The following MARK2 variants were observed in gnomAD, a reference collection of about 807,000 sequenced individuals.
MARK2 encodes microtubule affinity regulating kinase 2.
A neutral mutation model predicts 89.8 loss-of-function variants in MARK2; 16 were observed. That is an observed-to-expected ratio of 0.18 (90% CI 0.12 to 0.27). The LOEUF is 0.27. MARK2 is among the 10% of genes least tolerant of loss of function. The probability of loss-of-function intolerance (pLI) is 1.00; values close to 1 mark genes in which losing one functional copy is unlikely to be tolerated. For missense variants in MARK2, 621 were observed against 1,049.9 expected, an observed-to-expected ratio of 0.59 and a Z score of 5.65; for synonymous variants, 382 against 399.5, an observed-to-expected ratio of 0.96 and a Z score of 0.52.
chr11:63,872,313 C>A (rs1048689836), intron 1 of MARK2, among the ~76,000 whole-genome samples: 6 of 152,196 alleles, frequency 3.9e-5, no homozygotes, highest in African/African-American at 1.4e-4. Flanking sequence ...CAATGAGAGT[C>A]CCTCTTCCCT....
intron 1 of MARK2, among the ~76,000 whole-genome samples, chr11:63,886,675 C>T (rs966208310): frequency 5.3e-5 from 8 of 152,166 alleles, no homozygotes; most frequent in Non-Finnish European, 8.8e-5. Flanking sequence ...CCACCAGCCT[C>T]GGCCTCTCAA....
At chr11:63,890,586 A>G (rs570808489) in intron 1 of MARK2, among the ~76,000 whole-genome samples, 28 of 152,182 alleles carry the variant, frequency 1.8e-4, no homozygotes, top group Admixed American at 1.7e-3. Context: ...GTGGCATTTC[A>G]CCAGGTCTGG....
chr11:63,905,028 C>T lies in MARK2; in HGVS notation c.1919C>T (p.Ser640Phe), dbSNP rs1205349253. The T allele has an allele frequency of 1.2e-6, 2 of 1,613,744 alleles. No individual in the cohort carries two copies. The highest frequency in any genetic ancestry group is 1.7e-5 in the Admixed American group (1 of 60,004). Reference protein sequence around the residue: ...ASGSIFSKFTSKFVRRNLSFR... With the variant: ...ASGSIFSKFTFKFVRRNLSFR... The stretch of plus-strand genomic sequence containing the variant: ...GGGAGCATCTTCAGCAAGTTCACCT[C>T]CAAGTTTGTACGCAGGTAAGCAAGG... The change falls in exon 16 of 19, where the codon TCC becomes TTC. Residue 640 changes from serine to phenylalanine, a missense_variant. Ser to Phe is a radical substitution (Grantham distance 155). Transcript: ENST00000402010.
chr11:63,907,604 TC>T (rs1941449076), intron 17 of MARK2, among the ~76,000 whole-genome samples: 1 of 135,426 alleles, frequency 7.4e-6, no homozygotes, highest in Non-Finnish European at 1.6e-5. Context: ...ACCCTCATCC[TC>T]CCTGCGTATG....
chr11:63,888,496 A>G lies in MARK2; in HGVS notation c.55-6663A>G, dbSNP rs1005886873. Reference sequence around the variant, plus strand: ...GCTGCCCACTTCCGGGGAGGGGGGGAGGGGGAGGGGAGAAGGAAGTTGATC... The same window carrying G: ...GCTGCCCACTTCCGGGGAGGGGGGGGGGGGGAGGGGAGAAGGAAGTTGATC... On this transcript the variant is annotated intron_variant, in intron 1 of 18. Transcript: ENST00000402010. The G allele has an allele frequency of 5.8e-4, 508 of 868,418 alleles. 3 individuals carry two copies. The African/African-American group carries it at 0.011, about 19-fold the overall frequency. The allele number at this position is 868,418 out of a possible 1,614,324, so 53.8% of individuals were successfully genotyped here. A position where few individuals can be genotyped will look rare whatever the true frequency, so the allele number is the denominator to read the frequency against.
chr11:63,895,129 T>G (rs1241609225), intron 1 of MARK2, 30 bp from the exon 2 acceptor site: 1 of 1,595,966 alleles, frequency 6.3e-7, no homozygotes, highest in East Asian at 2.2e-5. Flanking sequence ...AAGTGTGGCA[T>G]GTAATGGTAT....
At chr11:63,868,432 A>T (rs1200073428) in intron 1 of MARK2, 1 of 201,838 alleles carries the variant, frequency 5.0e-6, no homozygotes, top group Non-Finnish European at 1.0e-5. Context: ...ATATCAGTCT[A>T]TCTGATTCTT....
intron 1 of MARK2, among the ~76,000 whole-genome samples, chr11:63,875,233 G>C (rs1938679105): frequency 6.6e-6 from 1 of 150,448 alleles, no homozygotes; most frequent in South Asian, 2.1e-4. Context: ...CGATTCTCCT[G>C]CCTCAGCCTC....
At chr11:63,856,766 A>ATTTTT (rs1431845317) in intron 1 of MARK2, among the ~76,000 whole-genome samples, 2 of 41,354 alleles carry the variant, frequency 4.8e-5, no homozygotes, top group African/African-American at 7.9e-5. Context: ...TAAATTTTTC[A>ATTTTT]TGTTTTTTTT....
At chr11:63,844,492 A>G (rs563914242) in intron 1 of MARK2, among the ~76,000 whole-genome samples, 12 of 152,286 alleles carry the variant, frequency 7.9e-5, no homozygotes, top group African/African-American at 2.9e-4. Context: ...TCAGAAAAAA[A>G]AAATTACTTT....
chr11:63,840,362 T>G (rs187129729), intron 1 of MARK2, among the ~76,000 whole-genome samples: 34 of 152,290 alleles, frequency 2.2e-4, no homozygotes, highest in Admixed American at 2.0e-3. Flanking sequence ...TCTCTTCCCC[T>G]CGGGTTTGGC....
At chr11:63,892,908 T>A (rs1291540642) in intron 1 of MARK2, among the ~76,000 whole-genome samples, 7 of 146,816 alleles carry the variant, frequency 4.8e-5, no homozygotes, top group Non-Finnish European at 9.0e-5. Flanking sequence ...TTCTTAATTT[T>A]TTTTTTTTTT....
In MARK2 at chr11:63,904,557, G is replaced by T. The variant is rs928572833; in HGVS notation, c.1677-229G>T. Reference sequence around the variant, plus strand: ...AGCCTAAACCACACTCCACACAGGGGTCCTTCCTTGCCTCCCTCCCTCCCT... The same window carrying T: ...AGCCTAAACCACACTCCACACAGGGTTCCTTCCTTGCCTCCCTCCCTCCCT... On this transcript the variant is annotated intron_variant, in intron 15 of 18. Coordinates refer to ENST00000402010, the MANE Select transcript of MARK2 (RefSeq NM_001039469.3). The surrounding 1 kb of genome is among the most constrained non-coding windows in gnomAD (Gnocchi z 6.3). 6.6e-6 allele frequency among the ~76,000 whole-genome samples: 1 copy of T among 151,928 alleles called. No individual in the cohort carries two copies. The highest frequency in any genetic ancestry group is 2.4e-5 in the African/African-American group (1 of 41,372).
rs1938008428 is a variant in MARK2 at position 63,864,369 on chromosome 11, C to T, written c.54+24809C>T. Among the ~76,000 whole-genome samples, 7 of 152,220 alleles carry T rather than the reference C, an allele frequency of 4.6e-5. No homozygotes were observed. The South Asian group carries it at 1.0e-3, about 22-fold the overall frequency. ...CCAGGTTCAAGCGATTCTCCTGCCT[C>T]ATCCTCCCGAGTAGCTGGGATTACA... On this transcript the variant is annotated intron_variant, in intron 1 of 18. Coordinates refer to ENST00000402010, the MANE Select transcript of MARK2 (RefSeq NM_001039469.3).
chr11:63,864,970 G>A (rs528898929), intron 1 of MARK2, among the ~76,000 whole-genome samples: 3 of 152,094 alleles, frequency 2.0e-5, no homozygotes, highest in South Asian at 4.2e-4. Flanking sequence ...CGCAGTCTCG[G>A]CCTTGACCTC....
intron 1 of MARK2, among the ~76,000 whole-genome samples, chr11:63,855,904 T>A (rs1313907639): frequency 3.3e-5 from 5 of 152,250 alleles, no homozygotes; most frequent in Non-Finnish European, 7.3e-5. Flanking sequence ...TTTTTTATTT[T>A]AAAAAGATTA....
intron 1 of MARK2, among the ~76,000 whole-genome samples, chr11:63,850,675 G>A (rs1441715438): frequency 6.6e-6 from 1 of 152,146 alleles, no homozygotes; most frequent in East Asian, 1.9e-4. Flanking sequence ...CTCATCCGTG[G>A]CTAGAAGGCC....
At chr11:63,854,356 C>T (rs371901869) in intron 1 of MARK2, among the ~76,000 whole-genome samples, 5 of 150,424 alleles carry the variant, frequency 3.3e-5, no homozygotes, top group Admixed American at 6.6e-5. Flanking sequence ...CGCACCACCA[C>T]GCCTGGCTAG....
intron 1 of MARK2, 53 bp downstream of exon 1, chr11:63,839,613 G>A (rs2015899615): frequency 2.6e-6 from 3 of 1,173,510 alleles, no homozygotes; most frequent in South Asian, 2.7e-5. Context: ...TTTGCACCTT[G>A]CGGAGCCTCC....
Sources: gnomAD v4.1 joint callset for allele counts (sites outside exome capture counted in the v4.1 genomes callset) on GRCh38, gnomAD v4.1.1 for gene constraint, Gnocchi (gnomAD v3.1) non-coding constraint, MANE v1.5 for transcripts, NCBI Gene and HGNC (gene_info 2026-07-23, HGNC 2026-07-21) for gene names.